The following SPACA3 variants were observed in gnomAD, a reference collection of about 807,000 sequenced individuals.
SPACA3 encodes the protein sperm acrosome associated 3.
A neutral mutation model predicts 24.5 loss-of-function variants in SPACA3; 21 were observed. That is an observed-to-expected ratio of 0.86 (90% CI 0.61 to 1.24). SPACA3 has a LOEUF of 1.24. Among genes scored for constraint, SPACA3 ranks in the 50% most tolerant of loss-of-function variants. The pLI, the probability that SPACA3 is intolerant of heterozygous loss-of-function variation, is 0.00. For synonymous variants in SPACA3, 115 were observed against 106.9 expected (o/e 1.08, Z -0.47); for missense variants, 278 against 275.5 (o/e 1.01, Z -0.06).
In SPACA3 at chr17:32,997,426, T is replaced by A. The variant is rs758998038; in HGVS notation, c.503-19T>A. The A allele has an allele frequency of 9.3e-6, 15 of 1,610,896 alleles. No homozygotes were observed. Among genetic ancestry groups the A allele is most frequent in the Non-Finnish European group, 1.3e-5 (15 of 1,177,386 alleles). Reference sequence around the variant, plus strand: ...ATGTCTCCTGTTCTCTCATTGTGTTTCTCTGCCTATCACCCCAGATTTGTT... The same window carrying A: ...ATGTCTCCTGTTCTCTCATTGTGTTACTCTGCCTATCACCCCAGATTTGTT... On this transcript the variant is annotated intron_variant, in intron 3 of 4. Coordinates refer to ENST00000269053, the MANE Select transcript of SPACA3 (RefSeq NM_173847.5).
chr17:32,993,852 G>A (rs1033901948), intron 1 of SPACA3, among the ~76,000 whole-genome samples: 8 of 152,082 alleles, frequency 5.3e-5, no homozygotes, highest in Non-Finnish European at 1.0e-4. Context: ...AGCGCGCCGG[G>A]AGAGGAGGGA....
intron 3 of SPACA3, 101 bp from the exon 4 acceptor site, chr17:32,997,344 T>TGG: frequency 3.3e-6 from 2 of 602,078 alleles, no homozygotes; most frequent in Non-Finnish European, 5.7e-6. Context: ...TGTGTGTGTG[T>TGG]AGAGAGAGAG....
At chr17:32,994,498 C>T (rs186545178) in intron 1 of SPACA3, among the ~76,000 whole-genome samples, 1 of 152,236 alleles carries the variant, frequency 6.6e-6, no homozygotes, top group East Asian at 1.9e-4. Flanking sequence ...ACCAGGGACA[C>T]CAATTGGCAC....
Position 32,997,742 on chromosome 17 carries a change from A to T in SPACA3, c.612A>T (p.Lys204Asn), listed in dbSNP as rs139783886. ...WEAWRHHCQG[K>N]DLTEWVDGCD... is the part of the protein sequence containing the mutation. ...CCTGGAGGCATCACTGCCAGGGAAA[A>T]GACCTCACTGAATGGGTGGATGGCT... Residue 204 changes from lysine (K) to asparagine (N), a missense_variant, in exon 5 of 5, where the codon AAA (lysine) becomes AAT (asparagine). Transcript: ENST00000269053. 6.1e-4 allele frequency: 991 copies of T among 1,614,162 alleles called. 12 individuals are homozygous for T. In the African/African-American group the frequency reaches 0.012, roughly 19 times the overall value.
chr17:32,996,668 G>A (rs11655662), intron 2 of SPACA3, among the ~76,000 whole-genome samples, 175 bp from the exon 3 acceptor site: 40,394 of 150,806 alleles, frequency 0.27, 7,764 homozygotes, highest in African/African-American at 0.55. Flanking sequence ...GAGTCGCTGT[G>A]CACCTCTAAG....
At chr17:32,995,022 A>G (rs374122045) in intron 1 of SPACA3, among the ~76,000 whole-genome samples, 4 of 152,152 alleles carry the variant, frequency 2.6e-5, no homozygotes, top group African/African-American at 9.7e-5. Flanking sequence ...TTCAGTTAAG[A>G]TCTGGAGATG....
At position 32,997,831 on chromosome 17, in the gene SPACA3, T is replaced by C; in HGVS notation, c.*53T>C. 6.3e-7 allele frequency: 1 copy of C among 1,585,464 alleles called. No individual in the cohort carries two copies. Among genetic ancestry groups the C allele is most frequent in the South Asian group, 1.1e-5 (1 of 90,454 alleles). On this transcript the variant is annotated 3_prime_UTR_variant, in exon 5 of 5. Transcript: ENST00000269053. The stretch of plus-strand genomic sequence containing the variant: ...GGGAAATGTGGTTTGGTTCCTGACC[T>C]AGGCTTGGGAAGACAAGCCAGCGAA...
Position 32,995,574 on chromosome 17 carries a change from C to G in SPACA3, c.200C>G (p.Ala67Gly), listed in dbSNP as rs751713020. ...GCTCTCAGAAGGCGGTGGTGCCCAG[C>G]TGGGATCATGTTGTTGGCCCTGGTC... ...SRALRRRWCP[A>G]GIMLLALVCL... Residue 67 changes from alanine (A) to glycine (G), a missense_variant, in exon 2 of 5, where the codon GCT (alanine) becomes GGT (glycine). Coordinates refer to ENST00000269053, the MANE Select transcript of SPACA3 (RefSeq NM_173847.5). The G allele has an allele frequency of 1.3e-5, 21 of 1,614,200 alleles. No homozygotes were observed. The Admixed American group carries it at 3.3e-4, about 26-fold the overall frequency.
At chr17:32,993,145 G>A (rs993914300) in intron 1 of SPACA3, 4 of 369,444 alleles carry the variant, frequency 1.1e-5, no homozygotes, top group African/African-American at 2.2e-5. Flanking sequence ...TTGGGTAAAT[G>A]TGTGGCCCAT....
chr17:32,997,124 C>T (rs980228110), intron 3 of SPACA3, 123 bp downstream of exon 3: 95 of 1,169,648 alleles, frequency 8.1e-5, no homozygotes, highest in Non-Finnish European at 8.9e-5. Flanking sequence ...GCTGGGCCCA[C>T]GGAGGAGAGG....
In SPACA3 at chr17:32,997,699, T is replaced by C. The variant is rs2091731755; in HGVS notation, c.582-13T>C. ...TGATATTATCTCTCCTCTTCCCTGT[T>C]CTCCATCCTCAGGGAGGCCTGGAGG... On this transcript the variant is annotated splice_polypyrimidine_tract_variant and intron_variant, in intron 4 of 4. Transcript: ENST00000269053. The C allele has an allele frequency of 6.2e-7, 1 of 1,613,332 alleles. No homozygotes were observed. The highest frequency in any genetic ancestry group is 1.7e-5 in the Admixed American group (1 of 59,998).
rs2151129572 is a variant in SPACA3 at position 32,997,865 on chromosome 17, G to T, written c.*87G>T. On this transcript the variant is annotated 3_prime_UTR_variant, in exon 5 of 5. Coordinates refer to ENST00000269053, the MANE Select transcript of SPACA3 (RefSeq NM_173847.5). ...GAAGACAAGCCAGCGAATAAAGGAT[G>T]GTTGAACGTGAATATGGCTCTCAGC... is the stretch of plus-strand genomic sequence containing the variant. 1 of 1,377,074 alleles carries T rather than the reference G, an allele frequency of 7.3e-7. No homozygotes were observed. Among genetic ancestry groups the T allele is most frequent in the Non-Finnish European group, 1.0e-6 (1 of 966,722 alleles). The allele number at this position is 1,377,074 out of a possible 1,614,324, so 85.3% of individuals were successfully genotyped here. A position where few individuals can be genotyped will look rare whatever the true frequency, so the allele number is the denominator to read the frequency against.
At chr17:32,995,861 TAG>T (rs1474632817) in intron 2 of SPACA3, 144 bp downstream of exon 2, 1 of 1,010,916 alleles carries the variant, frequency 9.9e-7, no homozygotes, top group African/African-American at 1.6e-5. Context: ...AGATGGCAGG[TAG>T]AGAACAGCCA....
At chr17:32,993,587 A>G (rs2091704387) in intron 1 of SPACA3, among the ~76,000 whole-genome samples, 2 of 152,192 alleles carry the variant, frequency 1.3e-5, no homozygotes, top group East Asian at 1.9e-4. Context: ...CTCCCATGAG[A>G]CAGAGTCGAA....
At chr17:32,997,634 CCTT>C (rs777063305) in intron 4 of SPACA3, 75 bp from the exon 5 acceptor site, 21 of 1,554,576 alleles carry the variant, frequency 1.4e-5, no homozygotes, top group Non-Finnish European at 1.9e-5. Context: ...ACCACACTCT[CCTT>C]CTTGTTCTTC....
chr17:32,996,894 A>G lies in SPACA3; in HGVS notation c.395A>G (p.Tyr132Cys), dbSNP rs1157041438. The G allele has an allele frequency of 1.2e-6, 2 of 1,610,296 alleles. No individual in the cohort carries two copies. The highest frequency in any genetic ancestry group is 1.7e-6 in the Non-Finnish European group (2 of 1,178,428). Residue 132 changes from tyrosine (Y) to cysteine (C), a missense_variant, in exon 3 of 5, where the codon TAC becomes TGC. By Grantham distance (194) the Tyr-to-Cys change is radical. Transcript: ENST00000269053. ...TSGFNAAALD[Y>C]EADGSTNNGI... The stretch of plus-strand genomic sequence containing the variant: ...GGTTTCAACGCAGCTGCTTTGGACT[A>G]CGAGGCTGATGGGAGCACCAACAAC...
intron 2 of SPACA3, among the ~76,000 whole-genome samples, chr17:32,996,059 T>C (rs554124505): frequency 6.6e-6 from 1 of 152,318 alleles, no homozygotes; most frequent in South Asian, 2.1e-4. Flanking sequence ...AGAGCAGTCA[T>C]GCCAAACTTT....
chr17:32,995,812 G>A, intron 2 of SPACA3, 95 bp downstream of exon 2: 1 of 1,388,026 alleles, frequency 7.2e-7, no homozygotes, highest in South Asian at 1.4e-5. Context: ...TGTGGCTTCG[G>A]GAGCTTTTAG....
intron 3 of SPACA3, among the ~76,000 whole-genome samples, 182 bp downstream of exon 3, chr17:32,997,183 G>A (rs112238098): frequency 6.6e-6 from 1 of 152,302 alleles, no homozygotes; most frequent in African/African-American, 2.4e-5. Flanking sequence ...CTGAATTGGG[G>A]TCCCAGATAG....
Sources: allele counts gnomAD v4.1 joint callset (sites outside exome capture counted in the v4.1 genomes callset), GRCh38; gene constraint gnomAD v4.1.1; transcripts MANE v1.5; gene names NCBI Gene and HGNC (gene_info 2026-07-23, HGNC 2026-07-21).